PDE4D: variants seen among roughly 807,000 people sequenced by gnomAD.
The protein encoded by PDE4D is 3',5'-cyclic-AMP phosphodiesterase 4D.
Under a neutral mutation model 87.4 loss-of-function variants are expected in PDE4D, and 24 were observed. That is an observed-to-expected ratio of 0.27 (90% confidence interval 0.20 to 0.39). The LOEUF is 0.39. PDE4D is among the 10% of genes least tolerant of loss of function. The pLI is 1.00. For missense variants in PDE4D, 714 were observed against 1,041.0 expected, an observed-to-expected ratio of 0.69 and a Z score of 4.32; for synonymous variants, 384 against 383.2, an observed-to-expected ratio of 1.00 and a Z score of -0.02.
intron 2 of PDE4D, among the ~76,000 whole-genome samples, chr5:60,075,030 G>T (rs1773136605): frequency 6.6e-6 from 1 of 152,102 alleles, no homozygotes; most frequent in South Asian, 2.1e-4. Context: ...ATTTGTATGG[G>T]TTTGATCCTG....
chr5:60,378,604 A>T (rs764497357), intron 1 of PDE4D, among the ~76,000 whole-genome samples: 1 of 152,198 alleles, frequency 6.6e-6, no homozygotes, highest in Non-Finnish European at 1.5e-5. Flanking sequence ...CTGTAATCCC[A>T]GCACTTTGGG....
chr5:60,315,631 A>C (rs569450785), intron 1 of PDE4D, among the ~76,000 whole-genome samples: 1 of 152,316 alleles, frequency 6.6e-6, no homozygotes, highest in East Asian at 1.9e-4. Context: ...TCTAACATTT[A>C]AGTCTTTAAT....
intron 6 of PDE4D, among the ~76,000 whole-genome samples, chr5:59,031,362 G>GATATAT (rs137969980): frequency 4.7e-4 from 53 of 111,852 alleles, no homozygotes; most frequent in East Asian, 1.3e-3. Context: ...AAGAAAATGT[G>GATATAT]ATATATATAT....
intron 2 of PDE4D, among the ~76,000 whole-genome samples, chr5:60,095,019 T>C (rs1231988466): frequency 6.6e-6 from 1 of 152,188 alleles, no homozygotes; most frequent in Non-Finnish European, 1.5e-5. Context: ...CTACATAATA[T>C]AATTTTTTAA....
In PDE4D at chr5:58,971,425, A is replaced by C. The variant is rs763175961; in HGVS notation, c.*3239T>G. ...ATCATGGGATGATGTTTTAATAAGAACAGATAATTTACAATTAACATTACA... is the reference window on the plus strand; with the variant it reads ...ATCATGGGATGATGTTTTAATAAGACCAGATAATTTACAATTAACATTACA... On this transcript the variant is annotated 3_prime_UTR_variant, in exon 15 of 15. Transcript: ENST00000340635. 6 of 152,588 alleles carry C rather than the reference A, an allele frequency of 3.9e-5. No individual in the cohort carries two copies. The highest frequency in any genetic ancestry group is 8.8e-5 in the Non-Finnish European group (6 of 68,020). The allele number at this position is 152,588 out of a possible 1,614,324, so 9.5% of individuals were successfully genotyped here.
chr5:60,325,870 T>A (rs1357628381), intron 1 of PDE4D, among the ~76,000 whole-genome samples: 2 of 152,152 alleles, frequency 1.3e-5, no homozygotes, highest in Admixed American at 6.5e-5. Context: ...GTTTTCCATT[T>A]CATAATTTTG....
chr5:59,621,421 C>T (rs1830343988), intron 1 of PDE4D, among the ~76,000 whole-genome samples: 1 of 152,176 alleles, frequency 6.6e-6, no homozygotes, highest in South Asian at 2.1e-4. Flanking sequence ...TTTAGCATCC[C>T]TGAATTATAG....
intron 3 of PDE4D, among the ~76,000 whole-genome samples, chr5:59,190,086 C>T (rs1581270874): frequency 6.6e-6 from 1 of 152,130 alleles, no homozygotes; most frequent in African/African-American, 2.4e-5. Flanking sequence ...TCAAAGGAAA[C>T]CATGATTTGG....
intron 2 of PDE4D, among the ~76,000 whole-genome samples, chr5:60,007,419 T>C (rs1764596299): frequency 6.6e-6 from 1 of 151,958 alleles, no homozygotes. Context: ...ATAATCACTG[T>C]CATCAATATG....
rs187231887 is a variant in PDE4D at position 59,714,877 on chromosome 5, G to A, written c.455+178291C>T. ...GACTGACTTCCTGGCAGCTAAATAGGCTATTCAGCAGGCACAAGCCCTATG... is the reference window on the plus strand; with the variant it reads ...GACTGACTTCCTGGCAGCTAAATAGACTATTCAGCAGGCACAAGCCCTATG... On this transcript the variant is annotated intron_variant, in intron 1 of 14. Coordinates refer to ENST00000340635, the MANE Select transcript of PDE4D (RefSeq NM_001104631.2). 1.4e-3 allele frequency among the ~76,000 whole-genome samples: 219 copies of A among 152,312 alleles called. 2 individuals carry two copies. The highest frequency in any genetic ancestry group is 5.1e-3 in the African/African-American group (213 of 41,564).
chr5:59,571,697 GA>G (rs1337844424), intron 1 of PDE4D, among the ~76,000 whole-genome samples: 3 of 152,252 alleles, frequency 2.0e-5, no homozygotes, highest in African/African-American at 7.2e-5. Flanking sequence ...CCTAGCCAGG[GA>G]AAAGAAATAA....
intron 1 of PDE4D, among the ~76,000 whole-genome samples, chr5:60,497,990 G>A (rs139930747): frequency 2.6e-5 from 4 of 152,262 alleles, no homozygotes; most frequent in East Asian, 1.9e-4. Flanking sequence ...CTCCTTGGTC[G>A]TCTGCTTCAG....
At chr5:60,278,029 C>T (rs1236730720) in intron 1 of PDE4D, among the ~76,000 whole-genome samples, 1 of 152,124 alleles carries the variant, frequency 6.6e-6, no homozygotes, top group Non-Finnish European at 1.5e-5. Flanking sequence ...GTTCTTTTGT[C>T]CTCCCTGATG....
chr5:60,123,892 C>T (rs1020525979), intron 2 of PDE4D, among the ~76,000 whole-genome samples: 2 of 152,042 alleles, frequency 1.3e-5, no homozygotes, highest in Non-Finnish European at 2.9e-5. Flanking sequence ...ATAAATTAAA[C>T]AATTACCCCA....
At chr5:60,076,319 C>T (rs961669894) in intron 2 of PDE4D, among the ~76,000 whole-genome samples, 19 of 152,140 alleles carry the variant, frequency 1.2e-4, no homozygotes, top group African/African-American at 3.6e-4. Flanking sequence ...CTGCCATGCC[C>T]GGCTAGTTTT....
At chr5:59,165,338 A>G (rs1781762340) in intron 5 of PDE4D, among the ~76,000 whole-genome samples, 1 of 152,168 alleles carries the variant, frequency 6.6e-6, no homozygotes. Context: ...CAGTGGCACG[A>G]TCTCAGCTTA....
At chr5:59,047,815 A>G (rs925702810) in intron 5 of PDE4D, among the ~76,000 whole-genome samples, 2 of 152,200 alleles carry the variant, frequency 1.3e-5, no homozygotes, top group Non-Finnish European at 2.9e-5. Context: ...AGCCCTCATG[A>G]ATTAGATTCG....
chr5:59,143,625 T>G (rs9292191), intron 5 of PDE4D, among the ~76,000 whole-genome samples: 36,387 of 152,164 alleles, frequency 0.24, 4,612 homozygotes, highest in African/African-American at 0.29. Flanking sequence ...AATATTATAA[T>G]TAATACAGTT....
intron 1 of PDE4D, among the ~76,000 whole-genome samples, chr5:59,477,764 C>A (rs1489630057): frequency 6.6e-6 from 1 of 152,054 alleles, no homozygotes; most frequent in Non-Finnish European, 1.5e-5. Flanking sequence ...TTCATCTCCA[C>A]ACTGTTCACA....
Sources: gnomAD v4.1 joint callset for allele counts (sites outside exome capture counted in the v4.1 genomes callset) on GRCh38, gnomAD v4.1.1 for gene constraint, MANE v1.5 for transcripts, NCBI Gene and HGNC (gene_info 2026-07-23, HGNC 2026-07-21) for gene names.